AGAP2: variants seen among roughly 807,000 people sequenced by gnomAD.
AGAP2 encodes ArfGAP with GTPase domain, ankyrin repeat and PH domain 2.
A neutral mutation model predicts 110.9 loss-of-function variants in AGAP2; 32 were observed. That is an observed-to-expected ratio of 0.29 (90% CI 0.22 to 0.39). AGAP2 has a LOEUF of 0.39. AGAP2 is among the 10% of genes least tolerant of loss of function. The pLI is 1.00. For missense variants in AGAP2, 1,285 were observed against 1,638.5 expected (o/e 0.78, Z 3.72); for synonymous variants, 702 against 713.0 (o/e 0.98, Z 0.25).
At position 57,732,465 on chromosome 12, in the gene AGAP2, C is replaced by A; in HGVS notation, c.1732G>T (p.Ala578Ser). Residue 578 changes from alanine (A) to serine (S), a missense_variant, in exon 7 of 19, where the codon GCC becomes TCC. Around this residue, in one of 7 missense-constraint regions of AGAP2, gnomAD observed 844 missense variants for 941.2 expected, o/e 0.90. Transcript: ENST00000547588. ...TLRKQQQLLA[A>S]CKSLPSSPSH... ...GGGGAGCTGGGCAGGGACTTGCAGGCAGCCAGAAGCTGTTGCTGCTTGCGC... is the reference window on the plus strand; with the variant it reads ...GGGGAGCTGGGCAGGGACTTGCAGGAAGCCAGAAGCTGTTGCTGCTTGCGC... 1 of 1,597,132 alleles carries A rather than the reference C, an allele frequency of 6.3e-7. No homozygotes were observed. Among genetic ancestry groups the A allele is most frequent in the Non-Finnish European group, 8.5e-7 (1 of 1,171,564 alleles).
At chr12:57,729,100 C>T (rs1352771613) in intron 13 of AGAP2, among the ~76,000 whole-genome samples, 2 of 145,342 alleles carry the variant, frequency 1.4e-5, no homozygotes, top group African/African-American at 2.6e-5. Flanking sequence ...GGTGTGAACC[C>T]GGGAGGCAGA....
At position 57,737,425 on chromosome 12, in the gene AGAP2, C is replaced by G; in HGVS notation, c.822G>C (p.Lys274Asn). The G allele has an allele frequency of 6.2e-7, 1 of 1,613,782 alleles. No individual in the cohort carries two copies. Among genetic ancestry groups the G allele is most frequent in the Non-Finnish European group, 8.5e-7 (1 of 1,179,812 alleles). The change falls in exon 1 of 19, where the codon AAG becomes AAC. Residue 274 changes from lysine to asparagine, a missense_variant. Lys to Asn is a moderately conservative substitution (Grantham distance 94). Coordinates refer to ENST00000547588, the MANE Select transcript of AGAP2 (RefSeq NM_001122772.3). The surrounding 1 kb of genome is among the most constrained non-coding windows in gnomAD (Gnocchi z 5.9). Reference protein sequence around the residue: ...GKLSPRKGKSKTLDNSDLHPG... With the variant: ...GKLSPRKGKSNTLDNSDLHPG... ...GATGCAAGTCACTGTTGTCCAAGGTCTTACTCTTGCCTTTCCGAGGGGACA... is the reference window on the plus strand; with the variant it reads ...GATGCAAGTCACTGTTGTCCAAGGTGTTACTCTTGCCTTTCCGAGGGGACA...
rs1189150590 is a variant in AGAP2, at chr12:57,726,085, G to A, written c.*467C>T. ...GGTAGGGTTTCCGTATTGGCCCCAA[G>A]TCCCGGGGCTAGCCCTCCCATGTAC... On this transcript the variant is annotated 3_prime_UTR_variant, in exon 19 of 19. Transcript: ENST00000547588. This position sits in a 1 kb window ranked among gnomAD's most constrained non-coding sequence, Gnocchi z 5.7. 1 of 152,380 alleles carries A rather than the reference G, an allele frequency of 6.6e-6. No individual in the cohort carries two copies. Among genetic ancestry groups the A allele is most frequent in the South Asian group, 2.1e-4 (1 of 4,832 alleles). 9.4% of individuals were successfully genotyped at this position (152,380 alleles called of 1,614,324 possible). A position where few individuals can be genotyped will look rare whatever the true frequency, so the allele number is the denominator to read the frequency against.
chr12:57,727,878 G>A, intron 15 of AGAP2, 59 bp downstream of exon 15: 3 of 1,607,590 alleles, frequency 1.9e-6, no homozygotes, highest in Non-Finnish European at 1.7e-6. Flanking sequence ...GTTGCCAATG[G>A]CCGTCAGCAC....
chr12:57,730,869 T>C lies in AGAP2; in HGVS notation c.2230A>G (p.Ile744Val). 2 of 1,613,106 alleles carry C rather than the reference T, an allele frequency of 1.2e-6. No individual in the cohort carries two copies. Among genetic ancestry groups the C allele is most frequent in the Non-Finnish European group, 1.7e-6 (2 of 1,179,606 alleles). ...CTGGCTGAGGGGCCAAAGGCAGAGA[T>C]GGCCCTCGGGGGCCGCTTGCCCGGG... is the stretch of plus-strand genomic sequence containing the variant. ...KVPGKRPPRA[I>V]SAFGPSASIN... The change falls in exon 11 of 19, where the codon ATC becomes GTC. Residue 744 changes from isoleucine (I) to valine (V), a missense_variant. Coordinates refer to ENST00000547588, the MANE Select transcript of AGAP2 (RefSeq NM_001122772.3).
Position 57,734,015 on chromosome 12 carries a change from C to A in AGAP2, c.1549+11G>T. 1 of 1,561,314 alleles carries A rather than the reference C, an allele frequency of 6.4e-7. No individual in the cohort carries two copies. The highest frequency in any genetic ancestry group is 1.2e-5 in the South Asian group (1 of 83,088). ...TCCCTTGAAAGCAGTGCTTTCCTAA[C>A]CCCTCCTTACCTTGTGTCCCCACCA... On this transcript the variant is annotated intron_variant, in intron 5 of 18. Coordinates refer to ENST00000547588, the MANE Select transcript of AGAP2 (RefSeq NM_001122772.3).
rs372487673 is a variant in AGAP2, at chr12:57,731,851, C to G, written c.1911G>C (p.Gly637=). ...AAAVAGLSTP[G]SLHRAAKRRT... is the part of the protein sequence containing the mutation. ...TGCGCTTGGCTGCCCGGTGCAGGGACCCTGGGGTGCTCAATCCAGCCACTG... is the reference window on the plus strand; with the variant it reads ...TGCGCTTGGCTGCCCGGTGCAGGGAGCCTGGGGTGCTCAATCCAGCCACTG... The change falls in exon 8 of 19, where the codon GGG becomes GGC. Residue 637 remains glycine, a synonymous_variant. Coordinates refer to ENST00000547588, the MANE Select transcript of AGAP2 (RefSeq NM_001122772.3). 1.0e-5 allele frequency: 16 copies of G among 1,602,290 alleles called. No homozygotes were observed. Among genetic ancestry groups the G allele is most frequent in the Non-Finnish European group, 1.4e-5 (16 of 1,174,828 alleles).
At chr12:57,735,520 C>G in intron 1 of AGAP2, 93 bp from the exon 2 acceptor site, 1 of 936,558 alleles carries the variant, frequency 1.1e-6, no homozygotes, top group South Asian at 1.6e-5. Context: ...AGCTTTCCAA[C>G]CCCCCCCCAA....
chr12:57,742,095 G>A (rs1264132416), upstream of AGAP2: 1 of 1,608,982 alleles, frequency 6.2e-7, no homozygotes, highest in African/African-American at 1.3e-5. Context: ...GTCTTGCCAG[G>A]CTAACAACCA....
chr12:57,730,465 G>A, intron 12 of AGAP2, 30 bp downstream of exon 12: 1 of 1,612,230 alleles, frequency 6.2e-7, no homozygotes, highest in South Asian at 1.1e-5. Context: ...GGGTGTGGAA[G>A]ACAGCAGATG....
In AGAP2 at chr12:57,738,555, G is replaced by T. The variant is rs1229124535; in HGVS notation, c.-309C>A. ...CCTGGGTGGGGGCGCTGAGATGGGT[G>T]GGGGAGGGCGGGGAGGACAGTAGTG... On this transcript the variant is annotated 5_prime_UTR_variant, in exon 1 of 19. Coordinates refer to ENST00000547588, the MANE Select transcript of AGAP2 (RefSeq NM_001122772.3). This position sits in a 1 kb window ranked among gnomAD's most constrained non-coding sequence, Gnocchi z 6.7. Among the ~76,000 whole-genome samples, 1 of 151,908 alleles carries T rather than the reference G, an allele frequency of 6.6e-6. No individual in the cohort carries two copies. Among genetic ancestry groups the T allele is most frequent in the Non-Finnish European group, 1.5e-5 (1 of 67,894 alleles).
intron 6 of AGAP2, 98 bp from the exon 7 acceptor site, chr12:57,732,610 C>T: frequency 1.5e-6 from 2 of 1,320,884 alleles, no homozygotes; most frequent in East Asian, 2.4e-5. Context: ...CAACACAGGA[C>T]CCAACTTCCT....
At chr12:57,742,055 T>A, upstream of AGAP2, 1 of 1,614,140 alleles carries the variant, frequency 6.2e-7, no homozygotes, top group Non-Finnish European at 8.5e-7. Flanking sequence ...TACAACGAAC[T>A]GCCTCTGGGC....
chr12:57,740,568 C>G (rs994150454), upstream of AGAP2, among the ~76,000 whole-genome samples: 2 of 152,188 alleles, frequency 1.3e-5, no homozygotes, highest in African/African-American at 4.8e-5. Context: ...TCCTCCCTCT[C>G]CAGAGCTAAG....
chr12:57,737,928 C>CG lies in AGAP2; in HGVS notation c.318dup (p.Ala107ArgfsTer102). On this transcript the variant is annotated frameshift_variant, in exon 1 of 19. Transcript: ENST00000547588. LOFTEE classifies it high-confidence loss of function. This position sits in a 1 kb window ranked among gnomAD's most constrained non-coding sequence, Gnocchi z 5.9. ...CAGAGGGAGAGGCGGCGGCCGGGAG[C>CG]GGGGGAGACTGGGCGGGCCGGACTG... 1 of 1,390,790 alleles carries CG rather than the reference C, an allele frequency of 7.2e-7. No individual in the cohort carries two copies. The highest frequency in any genetic ancestry group is 9.2e-7 in the Non-Finnish European group (1 of 1,083,500). The allele number at this position is 1,390,790 out of a possible 1,614,324, so 86.2% of individuals were successfully genotyped here.
intron 3 of AGAP2, 60 bp downstream of exon 3, chr12:57,734,532 G>A (rs1954944725): frequency 3.8e-6 from 6 of 1,596,894 alleles, no homozygotes; most frequent in Non-Finnish European, 5.2e-6. Flanking sequence ...CCTAATCATT[G>A]ATCTCACTCC....
In AGAP2 at chr12:57,727,664, T is replaced by A; in HGVS notation, c.2857+17A>T. 2 of 1,600,674 alleles carry A rather than the reference T, an allele frequency of 1.2e-6. No individual in the cohort carries two copies. Reference sequence around the variant, plus strand: ...TCACTACACTCCCTAGCCCCTCCGCTGCCTCCTGGCACTCACTGGGGGCCC... The same window carrying A: ...TCACTACACTCCCTAGCCCCTCCGCAGCCTCCTGGCACTCACTGGGGGCCC... On this transcript the variant is annotated intron_variant, in intron 16 of 18. Transcript: ENST00000547588.
intron 6 of AGAP2, 21 bp from the exon 7 acceptor site, chr12:57,732,533 G>A: frequency 6.4e-7 from 1 of 1,569,528 alleles, no homozygotes; most frequent in Non-Finnish European, 8.7e-7. Context: ...TTGACGGAAG[G>A]AGGTGTGAGC....
At chr12:57,732,329 C>G (rs1459965745) in intron 7 of AGAP2, 74 bp downstream of exon 7, 4 of 1,384,506 alleles carry the variant, frequency 2.9e-6, no homozygotes, top group African/African-American at 1.4e-5. Flanking sequence ...CTTGGGTACT[C>G]TGTACCTGTC....
Sources: gnomAD v4.1 joint callset for allele counts (sites outside exome capture counted in the v4.1 genomes callset) on GRCh38, gnomAD v4.1.1 for gene constraint, gnomAD v4.1.1 regional missense constraint, Gnocchi (gnomAD v3.1) non-coding constraint, MANE v1.5 for transcripts, NCBI Gene and HGNC (gene_info 2026-07-23, HGNC 2026-07-21) for gene names.